Variants in NLK observed in about 807,000 individuals in gnomAD.
NLK encodes serine/threonine-protein kinase NLK.
NLK carries 11 observed loss-of-function variants against 59.0 expected under a neutral mutation model. That is an observed-to-expected ratio of 0.19 (90% CI 0.12 to 0.31). The LOEUF (loss-of-function observed/expected upper bound fraction) is 0.31. Ranked by LOEUF, NLK falls within the 10% of genes least tolerant of loss-of-function variation. NLK has a pLI of 1.00. For missense variants in NLK, 410 were observed against 661.1 expected (o/e 0.62, Z 4.16); for synonymous variants, 235 against 235.9 (o/e 1.00, Z 0.03).
intron 1 of NLK, among the ~76,000 whole-genome samples, chr17:28,056,203 A>G (rs1444401860): frequency 6.6e-6 from 1 of 152,214 alleles, no homozygotes; most frequent in East Asian, 1.9e-4. Flanking sequence ...TGTTTCACTA[A>G]CATTGCAGAA....
chr17:28,204,474 ATG>A, the NLK span, among the ~76,000 whole-genome samples: 1 of 152,158 alleles, frequency 6.6e-6, no homozygotes, highest in Non-Finnish European at 1.5e-5. Flanking sequence ...AGACATGTGC[ATG>A]TGTGTGTATG....
chr17:28,137,948 A>G (rs1308451616), intron 3 of NLK, among the ~76,000 whole-genome samples: 3 of 152,004 alleles, frequency 2.0e-5, no homozygotes, highest in Non-Finnish European at 4.4e-5. Context: ...AAGATTATAT[A>G]TTTTTCTGAG....
chr17:28,087,147 A>G (rs1191023770), intron 1 of NLK, among the ~76,000 whole-genome samples: 1 of 152,170 alleles, frequency 6.6e-6, no homozygotes, highest in African/African-American at 2.4e-5. Flanking sequence ...GACAAAATAA[A>G]TGAGTTTTCA....
Position 28,170,083 on chromosome 17 carries a change from ATGCTGG to A in NLK, c.1047+1427_1047+1432del, listed in dbSNP as rs531301861. Among the ~76,000 whole-genome samples the A allele has an allele frequency of 2.0e-4, 30 of 152,320 alleles. No individual in the cohort carries two copies. The South Asian group carries it at 6.0e-3, about 30-fold the overall frequency. ...CACCCACATAAAATAAGGCAGTAAGATGCTGGAGAAATGTTCCAAGAAGAGGGACAA... is the reference window on the plus strand; with the variant it reads ...CACCCACATAAAATAAGGCAGTAAGAAGAAATGTTCCAAGAAGAGGGACAA... On this transcript the variant is annotated intron_variant, in intron 6 of 10. Coordinates refer to ENST00000407008, the MANE Select transcript of NLK (RefSeq NM_016231.5).
chr17:28,163,756 C>G, intron 5 of NLK, 128 bp downstream of exon 5: 1 of 611,224 alleles, frequency 1.6e-6, no homozygotes, highest in Non-Finnish European at 2.9e-6. Context: ...CCAGTTTTCT[C>G]CATATCACTA....
intron 1 of NLK, among the ~76,000 whole-genome samples, chr17:28,067,544 A>AG (rs1909870805): frequency 6.6e-6 from 1 of 152,070 alleles, no homozygotes; most frequent in Admixed American, 6.5e-5. Context: ...TAAAAAAAAA[A>AG]AAAGGCTGAC....
At chr17:28,179,970 A>G (rs1367525783) in intron 7 of NLK, among the ~76,000 whole-genome samples, 5 of 150,240 alleles carry the variant, frequency 3.3e-5, no homozygotes, top group East Asian at 1.9e-4. Flanking sequence ...TCGTGGTCCA[A>G]ATGGTTTTAA....
chr17:28,131,745 T>C (rs1906526149), intron 2 of NLK, among the ~76,000 whole-genome samples: 1 of 152,146 alleles, frequency 6.6e-6, no homozygotes, highest in East Asian at 1.9e-4. Context: ...GATTTGTTTG[T>C]TATGTTTTGA....
At chr17:28,157,873 C>T (rs1056383035) in intron 3 of NLK, among the ~76,000 whole-genome samples, 1 of 150,968 alleles carries the variant, frequency 6.6e-6, no homozygotes, top group African/African-American at 2.5e-5. Context: ...TAGTAGAGTA[C>T]CTATACCTAG....
intron 1 of NLK, among the ~76,000 whole-genome samples, chr17:28,109,746 A>G (rs1243476478): frequency 6.6e-6 from 1 of 152,234 alleles, no homozygotes; most frequent in Non-Finnish European, 1.5e-5. Context: ...TGGATTTGAC[A>G]CTTTCCAGTT....
intron 2 of NLK, among the ~76,000 whole-genome samples, chr17:28,124,703 C>G (rs570443478): frequency 6.6e-6 from 1 of 152,112 alleles, no homozygotes; most frequent in South Asian, 2.1e-4. Context: ...TTGTCAGAGA[C>G]TCAAGTAAAG....
intron 1 of NLK, among the ~76,000 whole-genome samples, chr17:28,084,718 C>A (rs946820193): frequency 2.0e-5 from 3 of 152,184 alleles, no homozygotes; most frequent in African/African-American, 7.2e-5. Context: ...CACCTGCCAC[C>A]ATGCCCGGCT....
intron 1 of NLK, among the ~76,000 whole-genome samples, chr17:28,092,338 C>T (rs1904526586): frequency 6.6e-6 from 1 of 152,134 alleles, no homozygotes; most frequent in Admixed American, 6.5e-5. Context: ...AAAGAATTTA[C>T]ATTGAAATGT....
intron 1 of NLK, among the ~76,000 whole-genome samples, chr17:28,107,524 AGGTATG>A (rs1161520471): frequency 6.6e-6 from 1 of 152,206 alleles, no homozygotes; most frequent in Non-Finnish European, 1.5e-5. Context: ...TGAGGCAGAC[AGGTATG>A]GTGCCTACTA....
chr17:28,202,276 G>GT, the NLK span, among the ~76,000 whole-genome samples: 1 of 152,100 alleles, frequency 6.6e-6, no homozygotes, highest in Non-Finnish European at 1.5e-5. Context: ...AGTGCCTGTA[G>GT]TTTCAGCTAC....
intron 1 of NLK, among the ~76,000 whole-genome samples, chr17:28,111,890 GTGTGTGGTGTGTGT>G (rs1260887702): frequency 8.5e-4 from 100 of 117,612 alleles, no homozygotes; most frequent in African/African-American, 2.9e-3. Flanking sequence ...GTGTGTGTGT[GTGTGTGGTGTGTGT>G]GTGTGTGTGT....
intron 9 of NLK, among the ~76,000 whole-genome samples, chr17:28,191,629 T>C (rs975548822): frequency 6.6e-6 from 1 of 152,204 alleles, no homozygotes; most frequent in Non-Finnish European, 1.5e-5. Context: ...TAAAATTTTG[T>C]GGCAGGATCT....
In NLK at chr17:28,185,268, AAGT is replaced by A; in HGVS notation, c.1236+7_1236+9del. 1 of 1,537,690 alleles carries A rather than the reference AAGT, an allele frequency of 6.5e-7. No homozygotes were observed. Among genetic ancestry groups the A allele is most frequent in the Non-Finnish European group, 8.8e-7 (1 of 1,134,774 alleles). ...GCAGGATGTTGGTCTTTGATCCAGT[AAGT>A]AGTGTTTTTTTTTATATATTTTTAA... On this transcript the variant is annotated splice_donor_5th_base_variant and intron_variant, in intron 8 of 10. Coordinates refer to ENST00000407008, the MANE Select transcript of NLK (RefSeq NM_016231.5).
intron 7 of NLK, among the ~76,000 whole-genome samples, chr17:28,176,083 T>G (rs540878042): frequency 6.6e-6 from 1 of 152,266 alleles, no homozygotes; most frequent in South Asian, 2.1e-4. Flanking sequence ...TGTATAACAC[T>G]TTACATGAAA....
Sources: gnomAD v4.1 joint callset for allele counts (sites outside exome capture counted in the v4.1 genomes callset) on GRCh38, gnomAD v4.1.1 for gene constraint, MANE v1.5 for transcripts, NCBI Gene and HGNC (gene_info 2026-07-23, HGNC 2026-07-21) for gene names.